The following EDAR variants were observed in gnomAD, a reference collection of about 807,000 sequenced individuals.
EDAR encodes ectodysplasin A receptor, also known as tumor necrosis factor receptor superfamily member EDAR.
A neutral mutation model predicts 51.3 loss-of-function variants in EDAR; 38 were observed. The ratio of observed to expected loss-of-function variants is 0.74; its 90% CI spans 0.57 to 0.97. EDAR has a LOEUF of 0.97. EDAR is among the 50% of genes least tolerant of loss of function. EDAR has a pLI of 0.00. For missense variants in EDAR, 528 were observed against 595.0 expected, an observed-to-expected ratio of 0.89 and a Z score of 1.17; for synonymous variants, 227 against 242.1, an observed-to-expected ratio of 0.94 and a Z score of 0.58.
At chr2:108,937,008 G>GC (rs1574391031) in intron 1 of EDAR, among the ~76,000 whole-genome samples, 1 of 152,180 alleles carries the variant, frequency 6.6e-6, no homozygotes, top group Non-Finnish European at 1.5e-5. Context: ...GGCAGGGGAG[G>GC]CCCCCCACAG....
rs557166582 is a variant in EDAR, at chr2:108,929,262, G to A, written c.292C>T (p.Arg98Trp). Residue 98 changes from arginine (R) to tryptophan (W), a missense_variant, in exon 4 of 12, where the codon CGG becomes TGG. By Grantham distance (101) the Arg-to-Trp change is moderately radical (BLOSUM62 -3). Transcript: ENST00000258443. ...TCCCCTGGTGTCAGCACGGTGGCCC[G>A]GAAGAAGCCCTCACAGTCTTTGTGA... ...RRHKDCEGFF[R>W]ATVLTPGDME... The A allele has an allele frequency of 1.2e-5, 19 of 1,614,170 alleles. No individual in the cohort carries two copies. The highest frequency in any genetic ancestry group is 5.5e-5 in the South Asian group (5 of 91,092).
At chr2:108,975,682 G>A (rs567061338) in intron 1 of EDAR, among the ~76,000 whole-genome samples, 34 of 152,272 alleles carry the variant, frequency 2.2e-4, no homozygotes, top group African/African-American at 6.5e-4. Flanking sequence ...AGGAGCTTGC[G>A]AAGCCCCTGG....
intron 1 of EDAR, among the ~76,000 whole-genome samples, chr2:108,938,345 C>A (rs1697517344): frequency 6.6e-6 from 1 of 152,190 alleles, no homozygotes; most frequent in African/African-American, 2.4e-5. Context: ...TTGGGCTTCT[C>A]AGAATGCTAA....
intron 5 of EDAR, among the ~76,000 whole-genome samples, chr2:108,920,151 G>A (rs983388755): frequency 4.6e-5 from 7 of 152,226 alleles, no homozygotes; most frequent in South Asian, 2.1e-4. Context: ...CTCACGTGCC[G>A]TGGAGCCATG....
rs982753996 is a variant in EDAR at position 108,896,834 on chromosome 2, G to A, written c.*73C>T. 8 of 1,456,864 alleles carry A rather than the reference G, an allele frequency of 5.5e-6. No individual in the cohort carries two copies. Among genetic ancestry groups the A allele is most frequent in the Non-Finnish European group, 6.6e-6 (7 of 1,064,576 alleles). 90.2% of individuals were successfully genotyped at this position (1,456,864 alleles called of 1,614,324 possible). On this transcript the variant is annotated 3_prime_UTR_variant, in exon 12 of 12. Coordinates refer to ENST00000258443, the MANE Select transcript of EDAR (RefSeq NM_022336.4). ...AGCCTTGATTCTTGGCAGTCTTTTGGCACCACTCACAGCTCCAGAGCCCTC... is the reference window on the plus strand; with the variant it reads ...AGCCTTGATTCTTGGCAGTCTTTTGACACCACTCACAGCTCCAGAGCCCTC...
At chr2:108,937,890 C>T (rs1169915168) in intron 1 of EDAR, among the ~76,000 whole-genome samples, 1 of 152,166 alleles carries the variant, frequency 6.6e-6, no homozygotes, top group Non-Finnish European at 1.5e-5. Context: ...TCCCAAAAGA[C>T]GTGGACAGAG....
intron 11 of EDAR, among the ~76,000 whole-genome samples, chr2:108,900,013 A>G (rs928298619): frequency 6.6e-6 from 1 of 152,184 alleles, no homozygotes; most frequent in African/African-American, 2.4e-5. Context: ...TAACACCAGT[A>G]GACTGATAAG....
At chr2:108,981,657 C>T (rs767684410) in intron 1 of EDAR, among the ~76,000 whole-genome samples, 3 of 152,142 alleles carry the variant, frequency 2.0e-5, no homozygotes, top group Non-Finnish European at 4.4e-5. Context: ...TCCCCACACC[C>T]GAGATAGTTA....
intron 1 of EDAR, among the ~76,000 whole-genome samples, chr2:108,942,678 G>A (rs917352269): frequency 3.3e-5 from 5 of 152,234 alleles, no homozygotes; most frequent in Admixed American, 1.3e-4. Context: ...GGAGCCCTGC[G>A]GTTCCAGCGC....
At chr2:108,971,352 C>T (rs887037012) in intron 1 of EDAR, among the ~76,000 whole-genome samples, 11 of 152,020 alleles carry the variant, frequency 7.2e-5, no homozygotes, top group East Asian at 3.9e-4. Context: ...AATTTCAGGC[C>T]GCACCCGAGA....
rs371233610 is a variant in EDAR at position 108,910,992 on chromosome 2, G to T, written c.610C>A (p.Leu204Ile). Reference sequence around the variant, plus strand: ...TTCAGGATGTAGAACATGATGATGAGGACGATGGCGATGGCCATGATGAAG... The same window carrying T: ...TTCAGGATGTAGAACATGATGATGATGACGATGGCGATGGCCATGATGAAG... The part of the protein sequence containing the change: ...TIFIMAIAIV[L>I]IIMFYILKTK... Residue 204 changes from leucine (L) to isoleucine (I), a missense_variant, in exon 7 of 12, where the codon CTC becomes ATC. Transcript: ENST00000258443. 2 of 1,614,156 alleles carry T rather than the reference G, an allele frequency of 1.2e-6. No individual in the cohort carries two copies. The highest frequency in any genetic ancestry group is 2.7e-5 in the African/African-American group (2 of 75,044).
chr2:108,975,090 G>A (rs999308729), intron 1 of EDAR, among the ~76,000 whole-genome samples: 1 of 152,224 alleles, frequency 6.6e-6, no homozygotes, highest in Non-Finnish European at 1.5e-5. Context: ...CTAGCCCCAA[G>A]TGCCACCTGG....
chr2:108,928,236 C>A (rs531106894), intron 4 of EDAR, among the ~76,000 whole-genome samples: 1 of 152,160 alleles, frequency 6.6e-6, no homozygotes, highest in Non-Finnish European at 1.5e-5. Flanking sequence ...TGAACTCTGG[C>A]GTCGGCATCT....
intron 9 of EDAR, among the ~76,000 whole-genome samples, chr2:108,909,051 A>T (rs1212808285): frequency 6.6e-6 from 1 of 152,200 alleles, no homozygotes; most frequent in Non-Finnish European, 1.5e-5. Context: ...AACAGCAGGG[A>T]CAAAAGCTCA....
At chr2:108,918,971 G>C (rs1420612764) in intron 5 of EDAR, among the ~76,000 whole-genome samples, 1 of 152,190 alleles carries the variant, frequency 6.6e-6, no homozygotes, top group Admixed American at 6.5e-5. Flanking sequence ...AGACTCTCTA[G>C]CTGCTCAAAG....
At chr2:108,953,961 A>C (rs1186259442) in intron 1 of EDAR, among the ~76,000 whole-genome samples, 1 of 152,326 alleles carries the variant, frequency 6.6e-6, no homozygotes, top group East Asian at 1.9e-4. Flanking sequence ...GATTACCAAG[A>C]TCCTAAAACT....
Position 108,912,663 on chromosome 2 carries a change from G to A in EDAR, c.529+15C>T, listed in dbSNP as rs1276700434. 2.5e-6 allele frequency: 4 copies of A among 1,574,414 alleles called. No individual in the cohort carries two copies. The highest frequency in any genetic ancestry group is 1.3e-5 in the African/African-American group (1 of 74,080). On this transcript the variant is annotated intron_variant, in intron 6 of 11. Coordinates refer to ENST00000258443, the MANE Select transcript of EDAR (RefSeq NM_022336.4). ...ACCTAACTCCAGGTGATCGATACCTGAGCACCCTCCTCACCTTTGTGGGCG... is the reference window on the plus strand; with the variant it reads ...ACCTAACTCCAGGTGATCGATACCTAAGCACCCTCCTCACCTTTGTGGGCG...
chr2:108,940,853 A>G (rs1697579865), intron 1 of EDAR, among the ~76,000 whole-genome samples: 1 of 152,342 alleles, frequency 6.6e-6, no homozygotes, highest in African/African-American at 2.4e-5. Flanking sequence ...TATTGCTCAG[A>G]TGATAGTTTT....
intron 5 of EDAR, among the ~76,000 whole-genome samples, chr2:108,917,383 A>G (rs1697047475): frequency 6.6e-6 from 1 of 152,156 alleles, no homozygotes; most frequent in Admixed American, 6.6e-5. Flanking sequence ...TGCATTGTAT[A>G]TTTCTCACAG....
Sources: allele counts gnomAD v4.1 joint callset (sites outside exome capture counted in the v4.1 genomes callset), GRCh38; gene constraint gnomAD v4.1.1; transcripts MANE v1.5; gene names NCBI Gene and HGNC (gene_info 2026-07-23, HGNC 2026-07-21).